LRRC7: variants seen among roughly 807,000 people sequenced by gnomAD.
LRRC7 encodes the protein leucine rich repeat containing 7, also known as leucine-rich repeat-containing protein 7.
LRRC7 carries 23 observed loss-of-function variants against 175.7 expected under a neutral mutation model. The ratio of observed to expected loss-of-function variants is 0.13; its 90% CI spans 0.09 to 0.19. The LOEUF is 0.19. Ranked by LOEUF, LRRC7 falls within the 10% of genes least tolerant of loss-of-function variation. LRRC7 has a pLI of 1.00. For synonymous variants in LRRC7, 685 were observed against 680.9 expected, an observed-to-expected ratio of 1.01 and a Z score of -0.09; for missense variants, 1,354 against 1,904.7, an observed-to-expected ratio of 0.71 and a Z score of 5.38.
At chr1:69,628,974 T>C (rs1422786886) in intron 1 of LRRC7, among the ~76,000 whole-genome samples, 1 of 152,032 alleles carries the variant, frequency 6.6e-6, no homozygotes, top group Non-Finnish European at 1.5e-5. Flanking sequence ...TAGCTCAAAA[T>C]GGATTATAGA....
At chr1:69,964,795 C>A (rs1028206472) in intron 8 of LRRC7, among the ~76,000 whole-genome samples, 1 of 152,202 alleles carries the variant, frequency 6.6e-6, no homozygotes, top group Admixed American at 6.5e-5. Context: ...CTTAAAACAA[C>A]TCTCAGATAT....
intron 2 of LRRC7, among the ~76,000 whole-genome samples, chr1:69,697,716 T>C (rs1662790397): frequency 6.6e-6 from 1 of 152,230 alleles, no homozygotes; most frequent in Admixed American, 6.5e-5. Flanking sequence ...TGACAGCCCA[T>C]AGCCCCATGC....
intron 8 of LRRC7, among the ~76,000 whole-genome samples, chr1:69,943,343 G>T (rs1421207094): frequency 2.6e-5 from 4 of 152,028 alleles, no homozygotes; most frequent in African/African-American, 7.2e-5. Flanking sequence ...CCAACTAAAA[G>T]AAGCCAGAAA....
chr1:70,035,831 G>A (rs184586104), intron 18 of LRRC7, among the ~76,000 whole-genome samples: 1 of 151,774 alleles, frequency 6.6e-6, no homozygotes, highest in East Asian at 1.9e-4. Context: ...CTCCCAGAGG[G>A]CACCAGCCAC....
intron 26 of LRRC7, among the ~76,000 whole-genome samples, chr1:70,119,517 C>CT (rs151064797): frequency 0.14 from 21,029 of 150,832 alleles, 2,177 homozygotes; most frequent in African/African-American, 0.29. Context: ...AACAGACATT[C>CT]TTTAAAAAAA....
In LRRC7 at chr1:70,029,244, G is replaced by T. The variant is rs138204637; in HGVS notation, c.1995+873G>T. ...AATAATTTAAAGCTGATACACTTAA[G>T]ACACATGAAACAATTAAAGAGCATA... On this transcript the variant is annotated intron_variant, in intron 18 of 26. Transcript: ENST00000651989. 5.9e-3 allele frequency among the ~76,000 whole-genome samples: 895 copies of T among 152,192 alleles called. 7 individuals are homozygous for T. Among genetic ancestry groups the T allele is most frequent in the African/African-American group, 0.019 (771 of 41,534 alleles).
At chr1:69,979,061 G>A (rs542363014) in intron 8 of LRRC7, among the ~76,000 whole-genome samples, 17 of 151,818 alleles carry the variant, frequency 1.1e-4, no homozygotes, top group African/African-American at 3.9e-4. Context: ...TTTGTCATGC[G>A]TGAAGTTCCC....
rs138149017 is a variant in LRRC7, at chr1:69,822,825, T to C, written c.422-2923T>C. On this transcript the variant is annotated intron_variant, in intron 4 of 26. Coordinates refer to ENST00000651989, the MANE Select transcript of LRRC7 (RefSeq NM_001370785.2). Reference sequence around the variant, plus strand: ...ATATGCTGGAATTTGTCCGCTGGACTCCCAAACTCCCACAAAAATACTCTC... The same window carrying C: ...ATATGCTGGAATTTGTCCGCTGGACCCCCAAACTCCCACAAAAATACTCTC... Among the ~76,000 whole-genome samples, 377 of 152,322 alleles carry C rather than the reference T, an allele frequency of 2.5e-3. 3 individuals are homozygous for C. The highest frequency in any genetic ancestry group is 8.8e-3 in the African/African-American group (366 of 41,576).
chr1:69,893,200 T>C (rs965022277), intron 7 of LRRC7, among the ~76,000 whole-genome samples: 6 of 152,302 alleles, frequency 3.9e-5, no homozygotes, highest in East Asian at 3.9e-4. Context: ...AATGTAATAC[T>C]GTCCTTAATT....
intron 4 of LRRC7, among the ~76,000 whole-genome samples, chr1:69,821,123 CA>C (rs537094201): frequency 4.9e-4 from 75 of 152,264 alleles, no homozygotes; most frequent in African/African-American, 1.8e-3. Flanking sequence ...TGATGATGAG[CA>C]TTTTTTCATA....
chr1:69,973,925 A>C (rs1053394302), intron 8 of LRRC7, among the ~76,000 whole-genome samples: 23 of 152,128 alleles, frequency 1.5e-4, no homozygotes, highest in Admixed American at 4.6e-4. Flanking sequence ...AAAGAGAAAA[A>C]ACACTGCAGC....
chr1:69,690,231 G>A (rs947777618), intron 2 of LRRC7, among the ~76,000 whole-genome samples: 1 of 152,160 alleles, frequency 6.6e-6, no homozygotes, highest in African/African-American at 2.4e-5. Flanking sequence ...TAGCAAATCA[G>A]TCGTTTGTGT....
intron 1 of LRRC7, chr1:69,608,143 C>T (rs1569889839): frequency 6.6e-6 from 1 of 152,494 alleles, no homozygotes; most frequent in Admixed American, 6.6e-5. Context: ...CCATTGTTGT[C>T]CAGCTAATTT....
At chr1:69,972,375 A>G (rs1170615598) in intron 8 of LRRC7, among the ~76,000 whole-genome samples, 2 of 152,268 alleles carry the variant, frequency 1.3e-5, no homozygotes, top group Admixed American at 1.3e-4. Flanking sequence ...TACATCTGAA[A>G]AAGGACTAAT....
intron 1 of LRRC7, among the ~76,000 whole-genome samples, chr1:69,581,575 G>A (rs887914840): frequency 6.6e-6 from 1 of 152,182 alleles, no homozygotes; most frequent in Non-Finnish European, 1.5e-5. Context: ...TTGACAGAAT[G>A]AAGGAAACTG....
chr1:69,942,397 A>G (rs1310884072), intron 8 of LRRC7, among the ~76,000 whole-genome samples: 1 of 152,108 alleles, frequency 6.6e-6, no homozygotes, highest in Non-Finnish European at 1.5e-5. Context: ...TTCCAGGCCT[A>G]CATATATACC....
At chr1:69,980,601 C>CG in intron 9 of LRRC7, 148 bp downstream of exon 9, 1 of 594,654 alleles carries the variant, frequency 1.7e-6, no homozygotes, top group Non-Finnish European at 2.8e-6. Flanking sequence ...GTGTTTTCAC[C>CG]ATTTTTTTTT....
intron 7 of LRRC7, among the ~76,000 whole-genome samples, chr1:69,911,685 T>G (rs912687163): frequency 2.0e-5 from 3 of 152,194 alleles, no homozygotes; most frequent in Non-Finnish European, 4.4e-5. Flanking sequence ...TATATGACAT[T>G]TCTCATCTCT....
chr1:69,921,222 A>C (rs1266382950), intron 7 of LRRC7, among the ~76,000 whole-genome samples: 1 of 152,134 alleles, frequency 6.6e-6, no homozygotes, highest in Non-Finnish European at 1.5e-5. Flanking sequence ...AAGGAAGAAA[A>C]TGGAATGTGG....
Sources: gnomAD v4.1 joint callset for allele counts (sites outside exome capture counted in the v4.1 genomes callset) on GRCh38, gnomAD v4.1.1 for gene constraint, MANE v1.5 for transcripts, NCBI Gene and HGNC (gene_info 2026-07-23, HGNC 2026-07-21) for gene names.